Variants in USH2A observed in about 807,000 individuals in gnomAD.
USH2A encodes the protein usherin.
In USH2A, 443 loss-of-function variants were observed where a neutral mutation model predicts 538.9. The observed-to-expected ratio is 0.82, with a 90% CI of 0.76 to 0.89. The LOEUF is 0.89. USH2A is among the 40% of genes least tolerant of loss of function. The pLI, the probability that USH2A is intolerant of heterozygous loss-of-function variation, is 0.00. For missense variants in USH2A, 6,633 were observed against 6,324.8 expected, an observed-to-expected ratio of 1.05 and a Z score of -1.65; for synonymous variants, 2,413 against 2,273.5, an observed-to-expected ratio of 1.06 and a Z score of -1.75.
intron 9 of USH2A, among the ~76,000 whole-genome samples, chr1:216,298,065 T>C (rs576116568): frequency 4.6e-5 from 7 of 152,224 alleles, no homozygotes; most frequent in African/African-American, 1.7e-4. Flanking sequence ...AAAATTTTGC[T>C]GTAACACAAT....
intron 24 of USH2A, 100 bp downstream of exon 24, chr1:216,086,619 C>T: frequency 2.0e-6 from 2 of 1,023,300 alleles, no homozygotes; most frequent in Non-Finnish European, 3.0e-6. Context: ...GAAAATATAG[C>T]ATGAGGTAGA....
Position 216,190,235 on chromosome 1 carries a change from T to G in USH2A, c.4384A>C (p.Thr1462Pro), listed in dbSNP as rs757315203. 5.0e-6 allele frequency: 8 copies of G among 1,612,360 alleles called. No individual in the cohort carries two copies. The highest frequency in any genetic ancestry group is 1.7e-4 in the Middle Eastern group (1 of 6,046). ...CVTSASGAGQ[T>P]LAAAPAQLRP... Reference sequence around the variant, plus strand: ...AAAACTTGCTTACCTGCTGCTAAAGTTTGTCCTGCTCCCGAAGCACTGGTC... The same window carrying G: ...AAAACTTGCTTACCTGCTGCTAAAGGTTGTCCTGCTCCCGAAGCACTGGTC... Residue 1462 changes from threonine (T) to proline (P), a missense_variant, in exon 20 of 72, where the codon ACT (threonine) becomes CCT (proline). By Grantham distance (38) the Thr-to-Pro change is conservative (BLOSUM62 -1). Coordinates refer to ENST00000307340, the MANE Select transcript of USH2A (RefSeq NM_206933.4).
chr1:216,315,111 A>G (rs1397910407), intron 9 of USH2A, among the ~76,000 whole-genome samples: 1 of 152,226 alleles, frequency 6.6e-6, no homozygotes, highest in Non-Finnish European at 1.5e-5. Context: ...TAGATAAGAA[A>G]AAGAAGTAAT....
chr1:216,310,450 T>C (rs143454886), intron 9 of USH2A, among the ~76,000 whole-genome samples: 2,324 of 152,264 alleles, frequency 0.015, 58 homozygotes, highest in African/African-American at 0.053. Context: ...TTCAACTCCC[T>C]CTTGAATACC....
chr1:215,782,332 G>A (rs576871960), intron 53 of USH2A, 136 bp from the exon 54 acceptor site: 161 of 909,266 alleles, frequency 1.8e-4, no homozygotes, highest in Non-Finnish European at 2.6e-4. Flanking sequence ...TTATATTGCT[G>A]TCTCAAGCAG....
At chr1:215,815,102 C>CA (rs1293042324) in intron 48 of USH2A, among the ~76,000 whole-genome samples, 1 of 146,012 alleles carries the variant, frequency 6.8e-6, no homozygotes, top group Non-Finnish European at 1.5e-5. Flanking sequence ...TACCTAGTCC[C>CA]AAACTGAACT....
intron 3 of USH2A, among the ~76,000 whole-genome samples, chr1:216,395,907 G>C (rs772341403): frequency 6.6e-5 from 10 of 152,144 alleles, no homozygotes; most frequent in South Asian, 2.1e-4. Context: ...ATTCAAGAAA[G>C]TACATATACT....
chr1:216,175,207 T>C, intron 21 of USH2A, 45 bp downstream of exon 21: 2 of 1,611,714 alleles, frequency 1.2e-6, no homozygotes, highest in Non-Finnish European at 1.7e-6. Context: ...GAAAACATTT[T>C]GGAGCTTCGT....
intron 21 of USH2A, among the ~76,000 whole-genome samples, chr1:216,105,690 A>T (rs2032713310): frequency 6.6e-6 from 1 of 152,056 alleles, no homozygotes; most frequent in South Asian, 2.1e-4. Flanking sequence ...AAATGAATAA[A>T]TTGACTTCAG....
At chr1:215,944,613 T>C (rs963089501) in intron 37 of USH2A, among the ~76,000 whole-genome samples, 1 of 152,158 alleles carries the variant, frequency 6.6e-6, no homozygotes, top group Non-Finnish European at 1.5e-5. Context: ...GACAGTCCCC[T>C]AATTCCACAT....
Position 216,412,061 on chromosome 1 carries a change from A to G in USH2A, c.651+6453T>C, listed in dbSNP as rs114945686. Among the ~76,000 whole-genome samples, 796 of 152,286 alleles carry G rather than the reference A, an allele frequency of 5.2e-3. 10 individuals are homozygous for G. The highest frequency in any genetic ancestry group is 0.019 in the African/African-American group (776 of 41,568). On this transcript the variant is annotated intron_variant, in intron 3 of 71. Transcript: ENST00000307340. ...CTGAAGAGACTGTAAGCTCCTTCATAGCAGGAAGTTATAGGCTATAAAGTG... is the reference window on the plus strand; with the variant it reads ...CTGAAGAGACTGTAAGCTCCTTCATGGCAGGAAGTTATAGGCTATAAAGTG...
chr1:216,264,902 T>C (rs942335585), intron 11 of USH2A, among the ~76,000 whole-genome samples: 4 of 152,028 alleles, frequency 2.6e-5, no homozygotes, highest in African/African-American at 7.2e-5. Flanking sequence ...TCTCACCATA[T>C]ACAAAAATCC....
chr1:216,072,970 C>A lies in USH2A; in HGVS notation c.5777-1G>T, dbSNP rs2031609360. 6.2e-7 allele frequency: 1 copy of A among 1,613,718 alleles called. No homozygotes were observed. Among genetic ancestry groups the A allele is most frequent in the African/African-American group, 1.3e-5 (1 of 74,878 alleles). ...GAGGCTATCACTCGATACAGGTATTCTTAAATGGAAATAAGATGCAGCAAG... is the reference window on the plus strand; with the variant it reads ...GAGGCTATCACTCGATACAGGTATTATTAAATGGAAATAAGATGCAGCAAG... On this transcript the variant is annotated splice_acceptor_variant, in intron 28 of 71. Coordinates refer to ENST00000307340, the MANE Select transcript of USH2A (RefSeq NM_206933.4). LOFTEE classifies it high-confidence loss of function.
intron 70 of USH2A, among the ~76,000 whole-genome samples, chr1:215,631,447 T>C (rs936811491): frequency 1.3e-5 from 2 of 152,230 alleles, no homozygotes; most frequent in Non-Finnish European, 2.9e-5. Flanking sequence ...TTGTACTCTC[T>C]TTAGTTTGGC....
intron 9 of USH2A, among the ~76,000 whole-genome samples, chr1:216,305,155 T>C (rs1190931585): frequency 6.6e-6 from 1 of 152,180 alleles, no homozygotes; most frequent in Non-Finnish European, 1.5e-5. Context: ...TTTATCTCAT[T>C]TCTTAGGTTT....
chr1:216,078,279 G>C lies in USH2A; in HGVS notation c.5382C>G (p.Ser1794=). 6.2e-7 allele frequency: 1 copy of C among 1,613,634 alleles called. No homozygotes were observed. Among genetic ancestry groups the C allele is most frequent in the Non-Finnish European group, 8.5e-7 (1 of 1,179,646 alleles). ...CTTTATTCCACTTTCCATTACAATA[G>C]GATAGCCCCAGCAATAGATCCACTT... ...FTQVDLLLGL[S]YCNGKWNKVI... Residue 1794 remains serine, a synonymous_variant, in exon 27 of 72, where the codon TCC becomes TCG. Coordinates refer to ENST00000307340, the MANE Select transcript of USH2A (RefSeq NM_206933.4).
chr1:215,876,610 T>G (rs1664781663), intron 43 of USH2A, among the ~76,000 whole-genome samples: 1 of 152,102 alleles, frequency 6.6e-6, no homozygotes, highest in Admixed American at 6.6e-5. Context: ...TAACGTGGTG[T>G]TTAGACAAGC....
At chr1:215,814,619 C>A (rs1027018615) in intron 48 of USH2A, among the ~76,000 whole-genome samples, 1 of 152,098 alleles carries the variant, frequency 6.6e-6, no homozygotes, top group Admixed American at 6.6e-5. Context: ...CCTTCGCTCT[C>A]TCTCCCTCCT....
At chr1:215,773,474 A>ATGTCTCTC (rs200902282) in intron 55 of USH2A, among the ~76,000 whole-genome samples, 7 of 131,346 alleles carry the variant, frequency 5.3e-5, no homozygotes, top group African/African-American at 6.6e-5. Flanking sequence ...CACTTTACGG[A>ATGTCTCTC]TGTCTCTCTG....
Sources: allele counts gnomAD v4.1 joint callset (sites outside exome capture counted in the v4.1 genomes callset), GRCh38; gene constraint gnomAD v4.1.1; transcripts MANE v1.5; gene names NCBI Gene and HGNC (gene_info 2026-07-23, HGNC 2026-07-21).